ZC3H18: variants seen among roughly 807,000 people sequenced by gnomAD.
ZC3H18 encodes zinc finger CCCH-type containing 18.
ZC3H18 carries 8 observed loss-of-function variants against 106.1 expected under a neutral mutation model. The observed-to-expected ratio is 0.08, with a 90% CI of 0.04 to 0.14. The LOEUF (loss-of-function observed/expected upper bound fraction) is 0.14, where lower values mean the gene tolerates loss of function less well. Ranked by LOEUF, ZC3H18 falls within the 10% of genes least tolerant of loss-of-function variation. The probability of loss-of-function intolerance (pLI) is 1.00; values close to 1 mark genes in which losing one functional copy is unlikely to be tolerated. For synonymous variants in ZC3H18, 635 were observed against 522.1 expected (o/e 1.22, Z -2.95); for missense variants, 1,318 against 1,278.4 (o/e 1.03, Z -0.47).
At chr16:88,606,870 C>G (rs900425010) in intron 6 of ZC3H18, among the ~76,000 whole-genome samples, 1 of 152,184 alleles carries the variant, frequency 6.6e-6, no homozygotes, top group Non-Finnish European at 1.5e-5. Flanking sequence ...CGAGGGTGTT[C>G]GTAGCCACCC....
intron 7 of ZC3H18, chr16:88,609,388 C>A: frequency 5.7e-6 from 1 of 174,514 alleles, no homozygotes; most frequent in Non-Finnish European, 1.2e-5. Context: ...ACCTCTACCT[C>A]CTGGGTTCAA....
chr16:88,622,764 G>A, intron 9 of ZC3H18: 1 of 295,598 alleles, frequency 3.4e-6, no homozygotes, highest in South Asian at 4.1e-5. Context: ...CTACGGTCCT[G>A]GTCTCAGCAC....
At chr16:88,587,407 A>T in intron 3 of ZC3H18, 1 of 683,458 alleles carries the variant, frequency 1.5e-6, no homozygotes, top group Non-Finnish European at 2.5e-6. Context: ...CTTGTAATTC[A>T]GCGTTCCCCT....
intron 1 of ZC3H18, among the ~76,000 whole-genome samples, chr16:88,574,022 C>T (rs1284756753): frequency 6.6e-6 from 1 of 151,748 alleles, no homozygotes; most frequent in East Asian, 1.9e-4. Context: ...TACAGATGCC[C>T]ACCACCATGC....
intron 15 of ZC3H18, 47 bp from the exon 16 acceptor site, chr16:88,628,711 T>A: frequency 6.2e-7 from 1 of 1,606,516 alleles, no homozygotes; most frequent in Non-Finnish European, 8.5e-7. Context: ...GGACACGGCT[T>A]CTGGCTCCTG....
chr16:88,585,190 C>G (rs1344733024), intron 2 of ZC3H18, among the ~76,000 whole-genome samples: 1 of 152,168 alleles, frequency 6.6e-6, no homozygotes, highest in Non-Finnish European at 1.5e-5. Flanking sequence ...AAAAGTGATT[C>G]TGCTGGATTA....
chr16:88,630,689 G>A (rs998926526), intron 17 of ZC3H18, 108 bp downstream of exon 17: 106 of 895,802 alleles, frequency 1.2e-4, no homozygotes, highest in African/African-American at 9.7e-4. Context: ...GGCTGGAGGC[G>A]TCACTACAGC....
At chr16:88,600,248 A>T (rs1904677596) in intron 6 of ZC3H18, among the ~76,000 whole-genome samples, 4 of 152,164 alleles carry the variant, frequency 2.6e-5, no homozygotes, top group African/African-American at 9.7e-5. Context: ...CTAGAGCCCC[A>T]CAAGTCTGTG....
At chr16:88,596,788 C>T (rs1408458448) in intron 3 of ZC3H18, among the ~76,000 whole-genome samples, 1 of 152,210 alleles carries the variant, frequency 6.6e-6, no homozygotes, top group Non-Finnish European at 1.5e-5. Flanking sequence ...TGAGTATTTT[C>T]AGAGGCAAAC....
chr16:88,575,031 G>A (rs915036262), intron 1 of ZC3H18, among the ~76,000 whole-genome samples: 11 of 150,786 alleles, frequency 7.3e-5, no homozygotes, highest in Non-Finnish European at 1.3e-4. Flanking sequence ...GGGTTTCACC[G>A]TGTTAGCCAG....
intron 1 of ZC3H18, among the ~76,000 whole-genome samples, chr16:88,574,346 A>G (rs1597315196): frequency 6.6e-6 from 1 of 151,948 alleles, no homozygotes; most frequent in Non-Finnish European, 1.5e-5. Flanking sequence ...AGTAGCTTGG[A>G]TAACAGGCAC....
At chr16:88,571,621 A>G (rs1244877571) in intron 1 of ZC3H18, 2 of 985,332 alleles carry the variant, frequency 2.0e-6, no homozygotes, top group Non-Finnish European at 1.2e-6. Context: ...TAGGTGGGAC[A>G]TGCTGAAATA....
chr16:88,611,235 C>T lies in ZC3H18; in HGVS notation c.1207-33C>T, dbSNP rs777260522. Reference sequence around the variant, plus strand: ...GTGCCTCTGTCACCCAAATAACGCACGGTGTCCCCATGTGTTTGGCTTTTT... The same window carrying T: ...GTGCCTCTGTCACCCAAATAACGCATGGTGTCCCCATGTGTTTGGCTTTTT... On this transcript the variant is annotated intron_variant, in intron 7 of 17. Transcript: ENST00000301011. 2.0e-5 allele frequency: 15 copies of T among 739,024 alleles called. 1 individual carries two copies. The highest frequency in any genetic ancestry group is 1.2e-4 in the East Asian group (5 of 40,538). 45.8% of individuals were successfully genotyped at this position (739,024 alleles called of 1,614,324 possible).
rs1014106839 is a variant in ZC3H18, at chr16:88,622,080, A to T, written c.1476-117A>T. The stretch of plus-strand genomic sequence containing the variant: ...TTCCCCTTAGGACCCTTTGTTTCTC[A>T]GGTGATCCTTAAATAAGCCAGGTAT... On this transcript the variant is annotated intron_variant, in intron 8 of 17. Coordinates refer to ENST00000301011, the MANE Select transcript of ZC3H18 (RefSeq NM_144604.4). The T allele has an allele frequency of 2.4e-6, 3 of 1,241,016 alleles. No homozygotes were observed. In the Admixed American group the frequency reaches 8.5e-5, roughly 35 times the overall value. The allele number at this position is 1,241,016 out of a possible 1,614,324, so 76.9% of individuals were successfully genotyped here.
rs761024351 is a variant in ZC3H18 at position 88,624,707 on chromosome 16, C to A, written c.2004C>A (p.Ala668=). ...CCAAGCCAGGAGACCCTCGGGAAGC[C>A]AGGAGGAAGGAGCGGCCAGCCAGGA... ...EPTKPGDPRE[A]RRKERPARTP... Residue 668 remains alanine (A), a synonymous_variant, in exon 12 of 18, where the codon GCC becomes GCA. Coordinates refer to ENST00000301011, the MANE Select transcript of ZC3H18 (RefSeq NM_144604.4). The A allele has an allele frequency of 6.2e-7, 1 of 1,613,538 alleles. No individual in the cohort carries two copies. Among genetic ancestry groups the A allele is most frequent in the Non-Finnish European group, 8.5e-7 (1 of 1,179,898 alleles).
chr16:88,625,480 A>G, intron 13 of ZC3H18: 3 of 595,988 alleles, frequency 5.0e-6, no homozygotes, highest in Non-Finnish European at 8.8e-6. Context: ...TCCCCCCACC[A>G]AAAAAAGATT....
intron 3 of ZC3H18, among the ~76,000 whole-genome samples, chr16:88,588,228 A>T (rs926230659): frequency 2.0e-5 from 3 of 152,200 alleles, no homozygotes; most frequent in African/African-American, 7.2e-5. Context: ...TATGAAAGTG[A>T]TGGAGAACAA....
intron 8 of ZC3H18, among the ~76,000 whole-genome samples, chr16:88,614,352 C>T (rs542090147): frequency 6.6e-6 from 1 of 152,358 alleles, no homozygotes; most frequent in East Asian, 1.9e-4. Flanking sequence ...AAACAAGCCC[C>T]TTGTCCTCCT....
At chr16:88,575,241 A>C (rs1448818984) in intron 1 of ZC3H18, among the ~76,000 whole-genome samples, 1 of 152,076 alleles carries the variant, frequency 6.6e-6, no homozygotes, top group Non-Finnish European at 1.5e-5. Flanking sequence ...GTTGTATTAA[A>C]AGTATAAATT....
Sources: gnomAD v4.1 joint callset for allele counts (sites outside exome capture counted in the v4.1 genomes callset) on GRCh38, gnomAD v4.1.1 for gene constraint, MANE v1.5 for transcripts, NCBI Gene and HGNC (gene_info 2026-07-23, HGNC 2026-07-21) for gene names.